Variants in RASAL2 observed in about 807,000 individuals in gnomAD.
The protein encoded by RASAL2 is RAS protein activator like 2.
In RASAL2, 58 loss-of-function variants were observed where a neutral mutation model predicts 128.9. The ratio of observed to expected loss-of-function variants is 0.45; its 90% CI spans 0.36 to 0.56. RASAL2 has a LOEUF of 0.56. RASAL2 is among the 20% of genes least tolerant of loss of function. RASAL2 has a pLI of 0.00. For synonymous variants in RASAL2, 561 were observed against 580.8 expected, an observed-to-expected ratio of 0.97 and a Z score of 0.49; for missense variants, 1,360 against 1,601.6, an observed-to-expected ratio of 0.85 and a Z score of 2.57.
chr1:178,348,169 G>A (rs531304882), intron 3 of RASAL2, among the ~76,000 whole-genome samples: 151 of 152,296 alleles, frequency 9.9e-4, no homozygotes, highest in Non-Finnish European at 1.5e-3. Flanking sequence ...GAGGCCTCTG[G>A]CTGCTGGTGA....
rs552371945 is a variant in RASAL2 at position 178,441,790 on chromosome 1, G to A, written c.927+143G>A. On this transcript the variant is annotated intron_variant, in intron 7 of 17. Transcript: ENST00000367649. ...TTATATGTTATGCCATTTGTAGTAAGCCCTTATTATATCACCATAAAGAAG... is the reference window on the plus strand; with the variant it reads ...TTATATGTTATGCCATTTGTAGTAAACCCTTATTATATCACCATAAAGAAG... The A allele has an allele frequency of 1.3e-5, 8 of 593,904 alleles. 1 individual carries two copies. The East Asian group carries it at 2.4e-4, about 18-fold the overall frequency. The allele number at this position is 593,904 out of a possible 1,614,324, so 36.8% of individuals were successfully genotyped here. A position where few individuals can be genotyped will look rare whatever the true frequency, so the allele number is the denominator to read the frequency against.
At chr1:178,167,728 TCTTC>T (rs1360332391) in intron 1 of RASAL2, among the ~76,000 whole-genome samples, 1 of 152,150 alleles carries the variant, frequency 6.6e-6, no homozygotes, top group Non-Finnish European at 1.5e-5. Flanking sequence ...TTCTTTTCTT[TCTTC>T]CTTTTTTTTT....
intron 1 of RASAL2, among the ~76,000 whole-genome samples, chr1:178,108,799 A>G (rs1398323252): frequency 6.6e-6 from 1 of 152,206 alleles, no homozygotes; most frequent in East Asian, 1.9e-4. Context: ...GTTATGCTTG[A>G]TACGCTTTGG....
intron 1 of RASAL2, among the ~76,000 whole-genome samples, chr1:178,162,367 T>C (rs1396779851): frequency 5.7e-5 from 7 of 122,626 alleles, no homozygotes; most frequent in South Asian, 4.4e-4. Context: ...ATAATATACA[T>C]ATAATATATA....
At chr1:178,136,301 C>A (rs1660322145) in intron 1 of RASAL2, among the ~76,000 whole-genome samples, 1 of 152,142 alleles carries the variant, frequency 6.6e-6, no homozygotes, top group African/African-American at 2.4e-5. Context: ...CCCATTTGGG[C>A]TTGAGTCTTT....
chr1:178,404,527 C>T (rs1042230419), intron 4 of RASAL2, among the ~76,000 whole-genome samples: 4 of 151,730 alleles, frequency 2.6e-5, no homozygotes, highest in African/African-American at 9.7e-5. Context: ...ACTACAAGCC[C>T]GTACCACCAC....
intron 4 of RASAL2, among the ~76,000 whole-genome samples, chr1:178,393,551 G>T (rs1227291672): frequency 6.6e-6 from 1 of 152,212 alleles, no homozygotes. Flanking sequence ...TCGCTCACCT[G>T]CTGCTCACCT....
intron 1 of RASAL2, among the ~76,000 whole-genome samples, chr1:178,097,831 C>T (rs540643917): frequency 7.9e-5 from 12 of 152,222 alleles, no homozygotes; most frequent in South Asian, 2.1e-4. Context: ...ACAGGTTTGG[C>T]TCCTTGGTTG....
intron 1 of RASAL2, among the ~76,000 whole-genome samples, chr1:178,108,553 G>A (rs574345619): frequency 5.3e-5 from 8 of 152,324 alleles, no homozygotes; most frequent in Admixed American, 2.6e-4. Context: ...GCATAAAGAT[G>A]TAGAGGAACT....
chr1:178,296,578 G>T (rs1027563233), intron 2 of RASAL2, among the ~76,000 whole-genome samples: 3 of 151,376 alleles, frequency 2.0e-5, no homozygotes, highest in African/African-American at 7.3e-5. Flanking sequence ...GTTGCCCAGG[G>T]TCTTGAACTT....
chr1:178,378,435 C>A (rs1016974681), intron 3 of RASAL2, among the ~76,000 whole-genome samples: 1 of 151,952 alleles, frequency 6.6e-6, no homozygotes, highest in African/African-American at 2.4e-5. Context: ...AGAGAATATT[C>A]AAAAATGCAG....
intron 1 of RASAL2, among the ~76,000 whole-genome samples, chr1:178,234,897 G>A (rs1263731708): frequency 1.3e-5 from 2 of 152,132 alleles, no homozygotes; most frequent in African/African-American, 4.8e-5. Context: ...GATCATTTCA[G>A]TGAAAACTGA....
At chr1:178,268,141 A>G (rs1361700635) in intron 1 of RASAL2, among the ~76,000 whole-genome samples, 1 of 152,038 alleles carries the variant, frequency 6.6e-6, no homozygotes, top group Non-Finnish European at 1.5e-5. Context: ...AGCATGGGCA[A>G]TAGAGTGAGA....
chr1:178,247,545 G>A (rs1664823987), intron 1 of RASAL2, among the ~76,000 whole-genome samples: 1 of 151,988 alleles, frequency 6.6e-6, no homozygotes, highest in Non-Finnish European at 1.5e-5. Context: ...ATTTTTTGAA[G>A]AGTTTTTCGT....
At chr1:178,425,320 A>G (rs1314483952) in intron 5 of RASAL2, among the ~76,000 whole-genome samples, 2 of 152,214 alleles carry the variant, frequency 1.3e-5, no homozygotes, top group Non-Finnish European at 2.9e-5. Context: ...GTAAAATTCC[A>G]GTTTTTAACT....
chr1:178,201,633 A>G (rs934440675), intron 1 of RASAL2, among the ~76,000 whole-genome samples: 10 of 152,222 alleles, frequency 6.6e-5, no homozygotes, highest in East Asian at 5.8e-4. Context: ...GTGGCACTCA[A>G]CTGTCAAAAG....
chr1:178,377,013 G>C (rs1672025189), intron 3 of RASAL2, among the ~76,000 whole-genome samples: 1 of 152,036 alleles, frequency 6.6e-6, no homozygotes, highest in Non-Finnish European at 1.5e-5. Context: ...AGAATAAGAA[G>C]GAAAATACTC....
At chr1:178,325,143 A>T (rs928340094) in intron 3 of RASAL2, among the ~76,000 whole-genome samples, 4 of 152,156 alleles carry the variant, frequency 2.6e-5, no homozygotes, top group Non-Finnish European at 5.9e-5. Flanking sequence ...TTCATTTTTT[A>T]AAAAAATTCT....
rs74129204 is a variant in RASAL2 at position 178,468,330 on chromosome 1, A to G, written c.3678+909A>G. Among the ~76,000 whole-genome samples, 1,089 of 152,318 alleles carry G rather than the reference A, an allele frequency of 7.1e-3. 14 individuals are homozygous for G. The highest frequency in any genetic ancestry group is 0.024 in the African/African-American group (1,018 of 41,554). Reference sequence around the variant, plus strand: ...ACCTTAAATGACATATCATATCCCTAAGCTGTGAAATAAAAAATGAGAGCA... The same window carrying G: ...ACCTTAAATGACATATCATATCCCTGAGCTGTGAAATAAAAAATGAGAGCA... On this transcript the variant is annotated intron_variant, in intron 17 of 17. Coordinates refer to ENST00000367649, the MANE Select transcript of RASAL2 (RefSeq NM_170692.4).
Sources: allele counts gnomAD v4.1 joint callset (sites outside exome capture counted in the v4.1 genomes callset), GRCh38; gene constraint gnomAD v4.1.1; transcripts MANE v1.5; gene names NCBI Gene and HGNC (gene_info 2026-07-23, HGNC 2026-07-21).